SH2D3A: variants seen among roughly 807,000 people sequenced by gnomAD.
SH2D3A encodes the protein SH2 domain-containing protein 3A.
Under a neutral mutation model 50.6 loss-of-function variants are expected in SH2D3A, and 46 were observed. That is an observed-to-expected ratio of 0.91 (90% CI 0.72 to 1.16). The LOEUF is 1.16. Among genes scored for constraint, SH2D3A ranks in the 50% most tolerant of loss-of-function variants. The pLI is 0.00. For missense variants in SH2D3A, 783 were observed against 786.2 expected, an observed-to-expected ratio of 1.00 and a Z score of 0.05; for synonymous variants, 377 against 348.4, an observed-to-expected ratio of 1.08 and a Z score of -0.91.
chr19:6,763,315 C>T (rs942541799), intron 2 of SH2D3A, among the ~76,000 whole-genome samples: 8 of 152,216 alleles, frequency 5.3e-5, no homozygotes, highest in African/African-American at 1.7e-4. Flanking sequence ...CCGCCCACCT[C>T]GGCCTTTCAA....
chr19:6,759,543 T>C, intron 4 of SH2D3A, 51 bp downstream of exon 4: 1 of 1,544,686 alleles, frequency 6.5e-7, no homozygotes, highest in Middle Eastern at 1.7e-4. Flanking sequence ...TCTTAGGTGG[T>C]GAGTGGCAGA....
At chr19:6,761,609 C>T (rs1369981213) in intron 2 of SH2D3A, among the ~76,000 whole-genome samples, 1 of 152,158 alleles carries the variant, frequency 6.6e-6, no homozygotes, top group Non-Finnish European at 1.5e-5. Context: ...CTTTTATAAA[C>T]ATTTGCAAGC....
intron 9 of SH2D3A, chr19:6,753,022 G>A (rs1450606217): frequency 1.0e-6 from 1 of 985,394 alleles, no homozygotes; most frequent in Non-Finnish European, 1.2e-6. Flanking sequence ...CCGCCTTAGG[G>A]GCTGTGCCTG....
At chr19:6,754,476 C>T in intron 6 of SH2D3A, 51 bp from the exon 7 acceptor site, 4 of 1,536,208 alleles carry the variant, frequency 2.6e-6, no homozygotes, top group Non-Finnish European at 3.5e-6. Flanking sequence ...GTTTGTAATG[C>T]AGGGGTGAGG....
intron 4 of SH2D3A, among the ~76,000 whole-genome samples, chr19:6,756,999 T>C (rs927088007): frequency 6.6e-6 from 1 of 152,082 alleles, no homozygotes; most frequent in Admixed American, 6.6e-5. Flanking sequence ...GCCTCCCGAG[T>C]AGCTGGGACC....
intron 9 of SH2D3A, 155 bp from the exon 10 acceptor site, chr19:6,752,908 G>A: frequency 1.0e-6 from 1 of 985,394 alleles, no homozygotes; most frequent in Non-Finnish European, 1.2e-6. Context: ...GGGGTCAGAG[G>A]GGAGGGGGCT....
In SH2D3A at chr19:6,754,393, G is replaced by A. The variant is rs757315200; in HGVS notation, c.1130C>T (p.Ala377Val). The A allele has an allele frequency of 9.8e-6, 15 of 1,530,710 alleles. No individual in the cohort carries two copies. The highest frequency in any genetic ancestry group is 1.9e-4 in the Middle Eastern group (1 of 5,190). The allele number at this position is 1,530,710 out of a possible 1,614,324, so 94.8% of individuals were successfully genotyped here. A position where few individuals can be genotyped will look rare whatever the true frequency, so the allele number is the denominator to read the frequency against. The change falls in exon 7 of 10, where the codon GCG becomes GTG. Residue 377 changes from alanine to valine, a missense_variant. Physicochemically the swap from Ala to Val is moderately conservative, Grantham distance 64. Coordinates refer to ENST00000245908, the MANE Select transcript of SH2D3A (RefSeq NM_005490.3). ...HQTLALAGALAVLGCSGPLEE... is the reference protein window; with the variant it reads ...HQTLALAGALVVLGCSGPLEE... Reference sequence around the variant, plus strand: ...CAGCGGCCCCGAGCAGCCCAGCACCGCCAGCGCCCCGGCCAGCGCCAGTGT... The same window carrying A: ...CAGCGGCCCCGAGCAGCCCAGCACCACCAGCGCCCCGGCCAGCGCCAGTGT...
chr19:6,753,363 G>C (rs115040194), intron 9 of SH2D3A, 93 bp downstream of exon 9: 6 of 1,401,718 alleles, frequency 4.3e-6, no homozygotes, highest in Non-Finnish European at 5.6e-6. Flanking sequence ...GTGGCGAGAG[G>C]CTCCCCTCCT....
rs758978010 is a variant in SH2D3A, at chr19:6,760,748, G to C, written c.309C>G (p.Ser103=). 25 of 1,613,914 alleles carry C rather than the reference G, an allele frequency of 1.5e-5. No individual in the cohort carries two copies. The highest frequency in any genetic ancestry group is 1.9e-5 in the Non-Finnish European group (23 of 1,179,876). ...TGGAGACCACAGCCCCTGTGGCCTG[G>C]GACAGTGGGCGCCTGCCTGTCATAT... ...HSYMTGRRPL[S]QATGAVVSRP... Residue 103 remains serine (S), a synonymous_variant, in exon 3 of 10, where the codon TCC becomes TCG. Coordinates refer to ENST00000245908, the MANE Select transcript of SH2D3A (RefSeq NM_005490.3).
intron 2 of SH2D3A, among the ~76,000 whole-genome samples, chr19:6,762,434 C>T (rs1210178967): frequency 6.6e-6 from 1 of 151,670 alleles, no homozygotes; most frequent in Non-Finnish European, 1.5e-5. Flanking sequence ...ATCTACCCAC[C>T]TCGGCCTCCC....
chr19:6,754,964 T>TG lies in SH2D3A; in HGVS notation c.847dup (p.His283ProfsTer2). The TG allele has an allele frequency of 6.2e-7, 1 of 1,613,780 alleles. No individual in the cohort carries two copies. ...GCCCAGCAGGCAGGAGGGGGCATCA[T>TG]GGGGGCAGAAAGAGATCTCAGCCTG... On this transcript the variant is annotated frameshift_variant, in exon 5 of 10. Transcript: ENST00000245908. LOFTEE classifies it high-confidence loss of function.
chr19:6,760,889 T>C lies in SH2D3A; in HGVS notation c.168A>G (p.Ser56=). 6.2e-7 allele frequency: 1 copy of C among 1,614,216 alleles called. No individual in the cohort carries two copies. Among genetic ancestry groups the C allele is most frequent in the Non-Finnish European group, 8.5e-7 (1 of 1,180,030 alleles). ...NPVISCRWRG[S]ALHFEVFRVA... ...CACGGAACACCTCAAAATGGAGGGC[T>C]GAGCCCCGCCAGCGGCAGGAGATCA... The change falls in exon 3 of 10, where the codon TCA becomes TCG. Residue 56 remains serine, a synonymous_variant. Coordinates refer to ENST00000245908, the MANE Select transcript of SH2D3A (RefSeq NM_005490.3).
intron 9 of SH2D3A, 64 bp from the exon 10 acceptor site, chr19:6,752,817 C>G: frequency 2.1e-6 from 3 of 1,448,652 alleles, no homozygotes; most frequent in Non-Finnish European, 2.7e-6. Context: ...CTCCCAACCT[C>G]CCGGCACCTT....
At chr19:6,763,229 A>C (rs546888722) in intron 2 of SH2D3A, among the ~76,000 whole-genome samples, 23 of 152,056 alleles carry the variant, frequency 1.5e-4, no homozygotes, top group African/African-American at 5.5e-4. Context: ...ATGTCTGGCT[A>C]ATTTTTGTAT....
At chr19:6,754,186 G>T (rs758796645) in intron 7 of SH2D3A, 23 bp from the exon 8 acceptor site, 1 of 1,609,728 alleles carries the variant, frequency 6.2e-7, no homozygotes, top group Non-Finnish European at 8.5e-7. Flanking sequence ...ATCTGAGCAC[G>T]CCTCCTCTCC....
chr19:6,759,546 G>A (rs373165121), intron 4 of SH2D3A, 48 bp downstream of exon 4: 67 of 1,562,814 alleles, frequency 4.3e-5, no homozygotes, highest in Non-Finnish European at 5.6e-5. Context: ...TAGGTGGTGA[G>A]TGGCAGAGCC....
At chr19:6,753,425 G>T in intron 9 of SH2D3A, 31 bp downstream of exon 9, 1 of 1,450,088 alleles carries the variant, frequency 6.9e-7, no homozygotes. Flanking sequence ...GTGCTCTGAA[G>T]TCTGCAGTCC....
intron 4 of SH2D3A, among the ~76,000 whole-genome samples, chr19:6,755,595 C>T (rs1969622309): frequency 6.6e-6 from 1 of 150,772 alleles, no homozygotes; most frequent in Non-Finnish European, 1.5e-5. Context: ...CACTGTGTTG[C>T]CCAGGCTGGT....
At chr19:6,764,393 G>C (rs1239496190) in intron 1 of SH2D3A, 1 of 151,854 alleles carries the variant, frequency 6.6e-6, no homozygotes, top group East Asian at 1.9e-4. Flanking sequence ...CATCGTGCCT[G>C]TTCCAAATAT....
Sources: gnomAD v4.1 joint callset for allele counts (sites outside exome capture counted in the v4.1 genomes callset) on GRCh38, gnomAD v4.1.1 for gene constraint, MANE v1.5 for transcripts, NCBI Gene and HGNC (gene_info 2026-07-23, HGNC 2026-07-21) for gene names.